FNDC1: variants seen among roughly 807,000 people sequenced by gnomAD.
The protein encoded by FNDC1 is fibronectin type III domain-containing protein 1.
In FNDC1, 96 loss-of-function variants were observed where a neutral mutation model predicts 168.0. The ratio of observed to expected loss-of-function variants is 0.57; its 90% CI spans 0.48 to 0.68. The LOEUF is 0.68. Ranked by LOEUF, FNDC1 falls within the 30% of genes least tolerant of loss-of-function variation. The probability of loss-of-function intolerance (pLI) is 0.00; values close to 1 mark genes in which losing one functional copy is unlikely to be tolerated. For missense variants in FNDC1, 2,587 were observed against 2,482.1 expected (o/e 1.04, Z -0.90); for synonymous variants, 1,099 against 1,025.9 (o/e 1.07, Z -1.36).
At position 159,259,194 on chromosome 6, in the gene FNDC1, A is replaced by G. The variant is rs141612125; in HGVS notation, c.5175-1996A>G. ...AGACTATTCAGAGTATGAAATGTAT[A>G]CTTTAGCCCATCAAAAAAGTTTCAT... On this transcript the variant is annotated intron_variant, in intron 18 of 22. Transcript: ENST00000297267. Among the ~76,000 whole-genome samples, 48 of 152,340 alleles carry G rather than the reference A, an allele frequency of 3.2e-4. No individual in the cohort carries two copies. The East Asian group carries it at 8.9e-3, about 28-fold the overall frequency.
At chr6:159,263,691 G>T (rs1777537487) in intron 19 of FNDC1, among the ~76,000 whole-genome samples, 1 of 152,220 alleles carries the variant, frequency 6.6e-6, no homozygotes, top group African/African-American at 2.4e-5. Context: ...GAAGCTGGGA[G>T]ACGGAGCTTG....
At chr6:159,261,101 G>A (rs1228695226) in intron 18 of FNDC1, 89 bp from the exon 19 acceptor site, 10 of 936,536 alleles carry the variant, frequency 1.1e-5, no homozygotes, top group African/African-American at 9.9e-5. Context: ...GCCTGTCACG[G>A]TTCAGGTGTT....
intron 1 of FNDC1, among the ~76,000 whole-genome samples, chr6:159,188,369 C>CTTTTTT (rs61551779): frequency 8.6e-5 from 11 of 128,632 alleles, no homozygotes; most frequent in Non-Finnish European, 1.4e-4. Flanking sequence ...CAATTTCTTT[C>CTTTTTT]TTTTTTTTTT....
chr6:159,225,530 T>C lies in FNDC1; in HGVS notation c.885-5T>C, dbSNP rs1487719832. On this transcript the variant is annotated splice_polypyrimidine_tract_variant and splice_region_variant and intron_variant, in intron 7 of 22. Transcript: ENST00000297267. ...GACAGATCATTGTGTTGTGTTTTCT[T>C]ACAGACAGTACACCGTGCGCTATCG... is the stretch of plus-strand genomic sequence containing the variant. 6.2e-7 allele frequency: 1 copy of C among 1,601,916 alleles called. No individual in the cohort carries two copies. The highest frequency in any genetic ancestry group is 8.5e-7 in the Non-Finnish European group (1 of 1,171,100).
In FNDC1 at chr6:159,232,527, C is replaced by T; in HGVS notation, c.2015C>T (p.Pro672Leu). The T allele has an allele frequency of 6.2e-7, 1 of 1,612,336 alleles. No individual in the cohort carries two copies. Among genetic ancestry groups the T allele is most frequent in the Non-Finnish European group, 8.5e-7 (1 of 1,179,356 alleles). Residue 672 changes from proline (P) to leucine (L), a missense_variant, in exon 11 of 23, where the codon CCC becomes CTC. By Grantham distance (98) the Pro-to-Leu change is moderately conservative. Coordinates refer to ENST00000297267, the MANE Select transcript of FNDC1 (RefSeq NM_032532.3). This position sits in a 1 kb window ranked among gnomAD's most constrained non-coding sequence, Gnocchi z 4.9. The part of the protein sequence containing the change: ...AFAQPRPALS[P>L]SRQSPSSVLR... ...GCCCAGCCCCGGCCAGCCCTGTCCC[C>T]CAGCCGCCAGTCCCCGTCCAGCGTT...
At chr6:159,261,947 A>AT (rs879873432) in intron 19 of FNDC1, among the ~76,000 whole-genome samples, 376 of 107,530 alleles carry the variant, frequency 3.5e-3, no homozygotes, top group Middle Eastern at 0.021. Flanking sequence ...ACAAAAAAAA[A>AT]ATTTTTTTTA....
At chr6:159,186,385 C>A (rs1393176491) in intron 1 of FNDC1, among the ~76,000 whole-genome samples, 2 of 152,202 alleles carry the variant, frequency 1.3e-5, no homozygotes, top group Non-Finnish European at 2.9e-5. Flanking sequence ...GCCATTAACC[C>A]TTGAGATAAT....
At position 159,233,882 on chromosome 6, in the gene FNDC1, G is replaced by T; in HGVS notation, c.3370G>T (p.Asp1124Tyr). The change falls in exon 11 of 23, where the codon GAC becomes TAC. Residue 1124 changes from aspartate (D) to tyrosine (Y), a missense_variant. Physicochemically the swap from Asp to Tyr is radical, Grantham distance 160. Transcript: ENST00000297267. This position sits in a 1 kb window ranked among gnomAD's most constrained non-coding sequence, Gnocchi z 4.6. ...ESPTGAGAGG[D>Y]HRSQRGHAAS... ...TCCCACAGGCGCAGGGGCAGGTGGC[G>T]ACCACAGGTCCCAGCGCGGACATGC... 1 of 1,547,418 alleles carries T rather than the reference G, an allele frequency of 6.5e-7. No individual in the cohort carries two copies. Among genetic ancestry groups the T allele is most frequent in the Non-Finnish European group, 8.7e-7 (1 of 1,145,408 alleles).
intron 15 of FNDC1, among the ~76,000 whole-genome samples, chr6:159,248,513 C>G (rs1777184829): frequency 6.6e-6 from 1 of 152,050 alleles, no homozygotes; most frequent in African/African-American, 2.4e-5. Flanking sequence ...ACCATGTTGG[C>G]CAGGATGGTC....
At position 159,230,010 on chromosome 6, in the gene FNDC1, AT is replaced by A; in HGVS notation, c.1369+9del. 1 of 1,610,808 alleles carries A rather than the reference AT, an allele frequency of 6.2e-7. No individual in the cohort carries two copies. The highest frequency in any genetic ancestry group is 1.1e-5 in the South Asian group (1 of 90,634). On this transcript the variant is annotated splice_region_variant and intron_variant, in intron 10 of 22. Coordinates refer to ENST00000297267, the MANE Select transcript of FNDC1 (RefSeq NM_032532.3). ...ATTGTCGCTATGCCAACAAGTAAGC[AT>A]TATGTGTCTGTGGCTGTCTTCTCTC... is the stretch of plus-strand genomic sequence containing the variant.
intron 1 of FNDC1, among the ~76,000 whole-genome samples, chr6:159,173,270 G>A (rs185393167): frequency 7.5e-4 from 84 of 112,166 alleles, no homozygotes; most frequent in Middle Eastern, 8.1e-3. Context: ...GGGGGCCTTG[G>A]GCTAGTCTCC....
intron 11 of FNDC1, 63 bp downstream of exon 11, chr6:159,234,542 A>G: frequency 6.6e-7 from 1 of 1,512,592 alleles, no homozygotes; most frequent in Non-Finnish European, 9.1e-7. Context: ...GCAATGCCTA[A>G]GAAGTTTTTA....
chr6:159,268,005 G>A, intron 22 of FNDC1, 79 bp downstream of exon 22: 2 of 1,470,286 alleles, frequency 1.4e-6, no homozygotes, highest in South Asian at 2.5e-5. Context: ...TCCACAGTAG[G>A]TCTGCCTTTG....
chr6:159,260,923 G>A (rs545278065), intron 18 of FNDC1, among the ~76,000 whole-genome samples: 31 of 152,324 alleles, frequency 2.0e-4, no homozygotes, highest in Middle Eastern at 3.4e-3. Flanking sequence ...AGGAACGCGT[G>A]CTCAGCAAGC....
chr6:159,265,958 AC>A, intron 20 of FNDC1, 125 bp from the exon 21 acceptor site: 1 of 989,096 alleles, frequency 1.0e-6, no homozygotes, highest in Non-Finnish European at 1.5e-6. Flanking sequence ...ACACAAACAA[AC>A]AAACAAACAA....
chr6:159,265,150 C>A, intron 20 of FNDC1, 146 bp downstream of exon 20: 1 of 654,108 alleles, frequency 1.5e-6, no homozygotes, highest in Non-Finnish European at 2.6e-6. Context: ...CACTCGTCAT[C>A]CTGATCTTCT....
chr6:159,213,124 T>G (rs1782638743), intron 4 of FNDC1, among the ~76,000 whole-genome samples: 1 of 152,236 alleles, frequency 6.6e-6, no homozygotes, highest in Non-Finnish European at 1.5e-5. Flanking sequence ...GCCTCAGCCC[T>G]GTCCCCAAAG....
Position 159,261,231 on chromosome 6 carries a change from G to T in FNDC1, c.5216G>T (p.Gly1739Val). ...CAAGCACAAAATCCTCATGGCTACG[G>T]ACCTATCAGCCCTTCGGTCTCATTT... ...KVQAQNPHGY[G>V]PISPSVSFVT... The change falls in exon 19 of 23, where the codon GGA becomes GTA. Residue 1739 changes from glycine (G) to valine (V), a missense_variant. Physicochemically the swap from Gly to Val is moderately radical, Grantham distance 109. Coordinates refer to ENST00000297267, the MANE Select transcript of FNDC1 (RefSeq NM_032532.3). 1 of 1,613,318 alleles carries T rather than the reference G, an allele frequency of 6.2e-7. No homozygotes were observed.
intron 6 of FNDC1, among the ~76,000 whole-genome samples, chr6:159,223,124 T>C (rs1782869897): frequency 6.6e-6 from 1 of 151,460 alleles, no homozygotes; most frequent in Admixed American, 6.6e-5. Context: ...GCCTCCCGAG[T>C]ATTTGGGACT....
Sources: allele counts gnomAD v4.1 joint callset (sites outside exome capture counted in the v4.1 genomes callset), GRCh38; gene constraint gnomAD v4.1.1; non-coding constraint Gnocchi (gnomAD v3.1); transcripts MANE v1.5; gene names NCBI Gene and HGNC (gene_info 2026-07-23, HGNC 2026-07-21).